The following STARD13 variants were observed in gnomAD, a reference collection of about 807,000 sequenced individuals.
STARD13 encodes stAR-related lipid transfer protein 13.
In STARD13, 62 loss-of-function variants were observed where a neutral mutation model predicts 106.4. The ratio of observed to expected loss-of-function variants is 0.58; its 90% CI spans 0.48 to 0.72. The LOEUF is 0.72. STARD13 is among the 30% of genes least tolerant of loss of function. The probability of loss-of-function intolerance (pLI) is 0.00; values close to 1 mark genes in which losing one functional copy is unlikely to be tolerated. For synonymous variants in STARD13, 565 were observed against 553.0 expected (o/e 1.02, Z -0.31); for missense variants, 1,387 against 1,424.0 (o/e 0.97, Z 0.42).
chr13:33,443,909 AAG>A, the STARD13 span, among the ~76,000 whole-genome samples: 1 of 151,746 alleles, frequency 6.6e-6, no homozygotes, highest in South Asian at 2.1e-4. Context: ...AAAAAAAAAA[AAG>A]AAGATATCTC....
intron 1 of STARD13, among the ~76,000 whole-genome samples, chr13:33,218,210 G>A (rs922045759): frequency 2.6e-5 from 4 of 152,174 alleles, no homozygotes; most frequent in Admixed American, 6.5e-5. Context: ...TCCAAGCTAA[G>A]GAATCCAGGA....
chr13:33,301,717 G>A (rs927976994), intron 1 of STARD13, among the ~76,000 whole-genome samples: 43 of 151,756 alleles, frequency 2.8e-4, no homozygotes, highest in African/African-American at 9.4e-4. Context: ...ACCGGCACCC[G>A]CCACCATGCC....
the STARD13 span, among the ~76,000 whole-genome samples, chr13:33,411,671 C>T: frequency 4.6e-5 from 7 of 152,296 alleles, no homozygotes; most frequent in Non-Finnish European, 1.0e-4. Context: ...GATCTTTTTA[C>T]TGTCTCCATA....
the STARD13 span, among the ~76,000 whole-genome samples, chr13:33,414,644 G>A: frequency 1.3e-5 from 2 of 152,064 alleles, no homozygotes; most frequent in Non-Finnish European, 1.5e-5. Context: ...AGGACAGGTG[G>A]GGGTGGGAGG....
the STARD13 span, among the ~76,000 whole-genome samples, chr13:33,494,887 C>T: frequency 3.3e-5 from 5 of 152,142 alleles, no homozygotes; most frequent in Non-Finnish European, 7.4e-5. Context: ...AGACCACTTA[C>T]ACACAGTAGA....
At chr13:33,542,428 G>A in the STARD13 span, among the ~76,000 whole-genome samples, 4 of 152,208 alleles carry the variant, frequency 2.6e-5, no homozygotes, top group African/African-American at 9.6e-5. Flanking sequence ...CCCCGTGGGC[G>A]GGATTTAAAA....
the STARD13 span, among the ~76,000 whole-genome samples, chr13:33,385,018 T>C: frequency 1.3e-5 from 2 of 150,836 alleles, no homozygotes; most frequent in Non-Finnish European, 3.0e-5. Context: ...AGATTTTTAG[T>C]TTGGAAGAAA....
At chr13:33,139,748 A>ATTT (rs34920267) in intron 4 of STARD13, among the ~76,000 whole-genome samples, 61 of 150,682 alleles carry the variant, frequency 4.0e-4, no homozygotes, top group Admixed American at 1.8e-3. Flanking sequence ...GCTCCTATTC[A>ATTT]TTTTTTTTTC....
chr13:33,588,090 T>TA, the STARD13 span, among the ~76,000 whole-genome samples: 29 of 152,270 alleles, frequency 1.9e-4, no homozygotes, highest in East Asian at 5.4e-3. Flanking sequence ...ATTTAGCACA[T>TA]ACTGCTTTGT....
chr13:33,412,596 C>T, the STARD13 span, among the ~76,000 whole-genome samples: 685 of 151,856 alleles, frequency 4.5e-3, 6 homozygotes, highest in African/African-American at 0.016. Flanking sequence ...TCAAATATAA[C>T]GATACAGGCA....
the STARD13 span, among the ~76,000 whole-genome samples, chr13:33,504,112 C>A: frequency 6.6e-6 from 1 of 152,136 alleles, no homozygotes; most frequent in Non-Finnish European, 1.5e-5. Context: ...ACAATGGGTG[C>A]TGGAGCGGAT....
At chr13:33,327,581 G>A (rs1215749330) in intron 1 of STARD13, among the ~76,000 whole-genome samples, 2 of 152,134 alleles carry the variant, frequency 1.3e-5, no homozygotes, top group Non-Finnish European at 2.9e-5. Flanking sequence ...ATGTTGCCCA[G>A]GTTGGTCTTG....
chr13:33,327,911 TG>T (rs1249675594), intron 1 of STARD13, among the ~76,000 whole-genome samples: 14 of 152,242 alleles, frequency 9.2e-5, no homozygotes, highest in African/African-American at 3.4e-4. Context: ...CTTGTTTTCT[TG>T]TGCGGTTCAA....
chr13:33,378,507 G>A, the STARD13 span, among the ~76,000 whole-genome samples: 35 of 152,298 alleles, frequency 2.3e-4, no homozygotes, highest in African/African-American at 9.6e-5. Context: ...TAGGCCAGGC[G>A]TGGTCGGGCG....
chr13:33,335,711 C>T lies in STARD13; in HGVS notation c.124+14579G>A, dbSNP rs760301646. Among the ~76,000 whole-genome samples the T allele has an allele frequency of 2.6e-5, 4 of 152,316 alleles. No homozygotes were observed. The East Asian group carries it at 7.7e-4, about 29-fold the overall frequency. ...AGGTGTGTGGAGGCTGAAATTCAGCCCCAGCTACATTCGCCAAGCCTCACA... is the reference window on the plus strand; with the variant it reads ...AGGTGTGTGGAGGCTGAAATTCAGCTCCAGCTACATTCGCCAAGCCTCACA... On this transcript the variant is annotated intron_variant, in intron 1 of 5. Transcript: ENST00000567873.
At chr13:33,370,912 C>T in the STARD13 span, among the ~76,000 whole-genome samples, 1 of 152,074 alleles carries the variant, frequency 6.6e-6, no homozygotes, top group African/African-American at 2.4e-5. Context: ...TGAGCAACCG[C>T]TCCCAGCCAC....
intron 1 of STARD13, among the ~76,000 whole-genome samples, chr13:33,197,609 C>T (rs1230658160): frequency 6.6e-6 from 1 of 152,242 alleles, no homozygotes; most frequent in African/African-American, 2.4e-5. Flanking sequence ...GCCAATTCCA[C>T]TTCGGTCTGC....
the STARD13 span, among the ~76,000 whole-genome samples, chr13:33,478,942 G>T: frequency 0.21 from 31,235 of 151,888 alleles, 5,729 homozygotes; most frequent in African/African-American, 0.49. Flanking sequence ...AAAGTAAAAG[G>T]TCAAATTACA....
chr13:33,555,140 T>G, the STARD13 span, among the ~76,000 whole-genome samples: 1 of 152,210 alleles, frequency 6.6e-6, no homozygotes, highest in Non-Finnish European at 1.5e-5. Context: ...AAAATGTGTT[T>G]AAGGTCATAT....
Sources: gnomAD v4.1 joint callset for allele counts (sites outside exome capture counted in the v4.1 genomes callset) on GRCh38, gnomAD v4.1.1 for gene constraint, MANE v1.5 for transcripts, NCBI Gene and HGNC (gene_info 2026-07-23, HGNC 2026-07-21) for gene names.